Variants in MAP4K3 observed in about 807,000 individuals in gnomAD.
MAP4K3 encodes the protein MAPK/ERK kinase kinase kinase 3.
MAP4K3 carries 94 observed loss-of-function variants against 143.5 expected under a neutral mutation model. The observed-to-expected ratio is 0.65, with a 90% confidence interval of 0.55 to 0.78. The LOEUF is 0.78. Among genes scored for constraint, MAP4K3 ranks in the 30% least tolerant of loss-of-function variants. The pLI, the probability that MAP4K3 is intolerant of heterozygous loss-of-function variation, is 0.00. For synonymous variants in MAP4K3, 416 were observed against 347.2 expected (o/e 1.20, Z -2.20); for missense variants, 1,077 against 1,068.1 (o/e 1.01, Z -0.12).
At chr2:39,419,906 G>A (rs1003122046) in intron 1 of MAP4K3, among the ~76,000 whole-genome samples, 1 of 152,214 alleles carries the variant, frequency 6.6e-6, no homozygotes, top group Non-Finnish European at 1.5e-5. Context: ...AGATGGTGGA[G>A]CACAGGATGG....
intron 1 of MAP4K3, among the ~76,000 whole-genome samples, chr2:39,424,496 G>C (rs543268931): frequency 2.3e-4 from 35 of 152,174 alleles, no homozygotes; most frequent in Non-Finnish European, 4.0e-4. Flanking sequence ...TAGGACTCTG[G>C]AAGGGACTGT....
intron 1 of MAP4K3, among the ~76,000 whole-genome samples, chr2:39,432,721 AAACT>A (rs1426852374): frequency 5.3e-5 from 8 of 152,256 alleles, no homozygotes; most frequent in Admixed American, 1.3e-4. Context: ...AATTACAAAT[AAACT>A]AACACGTAAT....
intron 12 of MAP4K3, among the ~76,000 whole-genome samples, chr2:39,319,865 T>C (rs1361418641): frequency 6.6e-6 from 1 of 152,226 alleles, no homozygotes. Context: ...TTACCATTTC[T>C]AAAATTTATG....
Position 39,377,201 on chromosome 2 carries a change from C to CTTTTTTTTT in MAP4K3, c.154+856_154+864dup, listed in dbSNP as rs56149359. On this transcript the variant is annotated intron_variant, in intron 2 of 33. Transcript: ENST00000263881. ...AAGTCTAAAGTATTGGCTATTTGGC[C>CTTTTTTTTT]TTTTTTTTTTTTTTAAACAGAAAAA... Among the ~76,000 whole-genome samples, 28 of 110,596 alleles carry CTTTTTTTTT rather than the reference C, an allele frequency of 2.5e-4. 3 individuals carry two copies. The highest frequency in any genetic ancestry group is 2.2e-3 in the East Asian group (8 of 3,616). The allele number at this position is 110,596 out of a possible 152,430, so 72.6% of individuals were successfully genotyped here. A position where few individuals can be genotyped will look rare whatever the true frequency, so the allele number is the denominator to read the frequency against.
chr2:39,393,070 T>C lies in MAP4K3; in HGVS notation c.97-14947A>G, dbSNP rs562337760. ...AATTTGAGGCATTTTGGTTTTCTCC[T>C]TCTCTCTCATCAGGCTGTTAGTGGT... On this transcript the variant is annotated intron_variant, in intron 1 of 33. Transcript: ENST00000263881. Among the ~76,000 whole-genome samples the C allele has an allele frequency of 8.5e-5, 13 of 152,360 alleles. No homozygotes were observed. In the South Asian group the frequency reaches 2.7e-3, roughly 32 times the overall value.
chr2:39,355,030 C>A (rs977600657), intron 3 of MAP4K3, among the ~76,000 whole-genome samples: 2 of 152,020 alleles, frequency 1.3e-5, no homozygotes, highest in East Asian at 1.9e-4. Context: ...GAATTTGAGA[C>A]CAGCCTGGGC....
At chr2:39,310,525 G>C (rs1336572648) in intron 13 of MAP4K3, among the ~76,000 whole-genome samples, 1 of 151,862 alleles carries the variant, frequency 6.6e-6, no homozygotes, top group Admixed American at 6.6e-5. Flanking sequence ...CTTTATCCTG[G>C]GTATTGTGAT....
intron 3 of MAP4K3, among the ~76,000 whole-genome samples, chr2:39,343,751 T>A (rs985095074): frequency 6.6e-6 from 1 of 152,144 alleles, no homozygotes; most frequent in African/African-American, 2.4e-5. Context: ...CCCAAAAGTT[T>A]ATACATCTAC....
chr2:39,264,006 C>A (rs1175145171), intron 28 of MAP4K3, among the ~76,000 whole-genome samples: 2 of 151,944 alleles, frequency 1.3e-5, no homozygotes, highest in Non-Finnish European at 2.9e-5. Flanking sequence ...ACAAGAATAA[C>A]TGATATGATG....
intron 4 of MAP4K3, among the ~76,000 whole-genome samples, chr2:39,342,450 C>T (rs1665171150): frequency 6.6e-6 from 1 of 152,018 alleles, no homozygotes; most frequent in Non-Finnish European, 1.5e-5. Flanking sequence ...CTTTTTCTAC[C>T]GAGTTTACCT....
chr2:39,296,946 A>C (rs1390298338), intron 16 of MAP4K3, among the ~76,000 whole-genome samples: 1 of 152,176 alleles, frequency 6.6e-6, no homozygotes, highest in Non-Finnish European at 1.5e-5. Flanking sequence ...TAAATTTCTC[A>C]AAGTCATGTA....
At chr2:39,309,851 C>T (rs1424724220) in intron 13 of MAP4K3, among the ~76,000 whole-genome samples, 2 of 151,942 alleles carry the variant, frequency 1.3e-5, no homozygotes, top group Non-Finnish European at 2.9e-5. Flanking sequence ...AGCCACTGCG[C>T]CCGGCCAAAA....
In MAP4K3 at chr2:39,331,999, A is replaced by G. The variant is rs1440970674; in HGVS notation, c.458-10T>C. ...GATACTCCAAAATCAGCTATTAAAA[A>G]AAATGAGAAACATTTAGGAAACTGA... On this transcript the variant is annotated splice_polypyrimidine_tract_variant and intron_variant, in intron 7 of 33. Transcript: ENST00000263881. 3.4e-6 allele frequency: 5 copies of G among 1,483,226 alleles called. No individual in the cohort carries two copies. The East Asian group carries it at 1.1e-4, about 34-fold the overall frequency. The allele number at this position is 1,483,226 out of a possible 1,614,324, so 91.9% of individuals were successfully genotyped here.
At chr2:39,375,985 G>C (rs747040885) in intron 2 of MAP4K3, among the ~76,000 whole-genome samples, 27 of 152,198 alleles carry the variant, frequency 1.8e-4, no homozygotes, top group Admixed American at 3.3e-4. Flanking sequence ...TGGGCAGTTA[G>C]ACTGTTTCCA....
At chr2:39,313,673 C>T (rs904826979) in intron 13 of MAP4K3, among the ~76,000 whole-genome samples, 7 of 152,006 alleles carry the variant, frequency 4.6e-5, no homozygotes, top group Admixed American at 1.3e-4. Context: ...CCAACAGGCC[C>T]GGCTAATTTT....
At chr2:39,278,751 G>A (rs929850716) in intron 23 of MAP4K3, among the ~76,000 whole-genome samples, 1 of 152,164 alleles carries the variant, frequency 6.6e-6, no homozygotes, top group African/African-American at 2.4e-5. Flanking sequence ...ATCAGAGAAT[G>A]CTAAGAACTG....
intron 28 of MAP4K3, among the ~76,000 whole-genome samples, chr2:39,263,702 G>C (rs886343469): frequency 6.6e-6 from 1 of 152,124 alleles, no homozygotes; most frequent in African/African-American, 2.4e-5. Context: ...AATCTTGAGG[G>C]AGACCTGCAA....
chr2:39,407,118 G>A (rs779777786), intron 1 of MAP4K3, among the ~76,000 whole-genome samples: 5 of 152,002 alleles, frequency 3.3e-5, no homozygotes, highest in Admixed American at 6.5e-5. Context: ...GACCAAAAAT[G>A]AACAAAAATT....
At chr2:39,294,062 A>C (rs1194004423) in intron 16 of MAP4K3, 1 of 152,218 alleles carries the variant, frequency 6.6e-6, no homozygotes, top group African/African-American at 2.4e-5. Flanking sequence ...CTTCGAGCAT[A>C]AAGACTCGAT....
Sources: gnomAD v4.1 joint callset for allele counts (sites outside exome capture counted in the v4.1 genomes callset) on GRCh38, gnomAD v4.1.1 for gene constraint, MANE v1.5 for transcripts, NCBI Gene and HGNC (gene_info 2026-07-23, HGNC 2026-07-21) for gene names.